Variants in MRTFB observed in about 807,000 individuals in gnomAD.
MRTFB encodes the protein myocardin related transcription factor B, also known as myocardin-related transcription factor B.
Under a neutral mutation model 104.2 loss-of-function variants are expected in MRTFB, and 29 were observed. The observed-to-expected ratio is 0.28, with a 90% CI of 0.21 to 0.38. The LOEUF (loss-of-function observed/expected upper bound fraction) is 0.38. Ranked by LOEUF, MRTFB falls within the 10% of genes least tolerant of loss-of-function variation. MRTFB has a pLI of 1.00. For synonymous variants in MRTFB, 535 were observed against 519.5 expected (o/e 1.03, Z -0.41); for missense variants, 1,270 against 1,341.6 (o/e 0.95, Z 0.83).
rs139233471 is a variant in MRTFB, at chr16:14,225,100, C to T, written c.693+6102C>T. On this transcript the variant is annotated intron_variant, in intron 8 of 16. Coordinates refer to ENST00000571589, the MANE Select transcript of MRTFB (RefSeq NM_001308142.2). ...ACTCGGGAGGCTGAGGTAGGAGCAT[C>T]GCTTGAATCCAGGAGGTGGAGGTTG... 6.3e-3 allele frequency among the ~76,000 whole-genome samples: 955 copies of T among 152,222 alleles called. 8 individuals are homozygous for T. The highest frequency in any genetic ancestry group is 0.02 in the African/African-American group (834 of 41,538).
the MRTFB span, among the ~76,000 whole-genome samples, chr16:14,017,333 G>A: frequency 2.6e-5 from 4 of 151,500 alleles, no homozygotes; most frequent in South Asian, 6.3e-4. Flanking sequence ...TGGGATTACA[G>A]GCGTGAGCCA....
chr16:14,131,981 C>G (rs1407495106), intron 2 of MRTFB, among the ~76,000 whole-genome samples: 1 of 152,160 alleles, frequency 6.6e-6, no homozygotes, highest in African/African-American at 2.4e-5. Context: ...CGTGTGAACT[C>G]ATTCCATAGC....
chr16:14,054,877 T>G, the MRTFB span, among the ~76,000 whole-genome samples: 1 of 152,188 alleles, frequency 6.6e-6, no homozygotes, highest in Non-Finnish European at 1.5e-5. Context: ...GAAAACCCTA[T>G]CAGCAGTAAA....
At chr16:14,171,656 A>G (rs1393788656) in intron 3 of MRTFB, among the ~76,000 whole-genome samples, 1 of 152,182 alleles carries the variant, frequency 6.6e-6, no homozygotes, top group East Asian at 1.9e-4. Context: ...CCACTCTCTG[A>G]CAGTGAGAAC....
chr16:14,203,804 GAA>G (rs908323645), intron 3 of MRTFB, among the ~76,000 whole-genome samples: 1,830 of 46,456 alleles, frequency 0.039, 34 homozygotes, highest in African/African-American at 0.12. Flanking sequence ...ACTCTGTCTC[GAA>G]AAAAAAAAAA....
In MRTFB at chr16:14,227,826, C is replaced by T. The variant is rs139790510; in HGVS notation, c.694-6320C>T. On this transcript the variant is annotated intron_variant, in intron 8 of 16. Coordinates refer to ENST00000571589, the MANE Select transcript of MRTFB (RefSeq NM_001308142.2). The stretch of plus-strand genomic sequence containing the variant: ...CGCCCTGCCAAATATTTTTTAAAAG[C>T]AGTCCAAAACAGACTAAGACAGGAC... Among the ~76,000 whole-genome samples the T allele has an allele frequency of 5.0e-3, 764 of 151,872 alleles. 6 individuals carry two copies. The highest frequency in any genetic ancestry group is 0.017 in the African/African-American group (718 of 41,414).
At chr16:14,098,793 C>G (rs1459189978) in intron 2 of MRTFB, among the ~76,000 whole-genome samples, 1 of 152,170 alleles carries the variant, frequency 6.6e-6, no homozygotes, top group East Asian at 1.9e-4. Flanking sequence ...GTTCATATTT[C>G]TTGCATATGG....
chr16:14,162,973 TTGTC>T (rs2039097895), intron 3 of MRTFB, among the ~76,000 whole-genome samples: 1 of 152,226 alleles, frequency 6.6e-6, no homozygotes, highest in Non-Finnish European at 1.5e-5. Flanking sequence ...CAGTTCTTGT[TTGTC>T]TATCTTTTTG....
At chr16:14,031,867 G>A in the MRTFB span, among the ~76,000 whole-genome samples, 2 of 152,074 alleles carry the variant, frequency 1.3e-5, no homozygotes, top group Non-Finnish European at 2.9e-5. Context: ...GAGTTCAGTG[G>A]CATGATCTCG....
chr16:14,200,325 G>A, intron 3 of MRTFB: 3 of 1,607,018 alleles, frequency 1.9e-6, no homozygotes, highest in South Asian at 1.1e-5. Flanking sequence ...CGCTGACGTG[G>A]CTCCCGGAAG....
chr16:14,153,714 T>A (rs974578623), intron 3 of MRTFB, among the ~76,000 whole-genome samples: 5 of 152,194 alleles, frequency 3.3e-5, no homozygotes, highest in Non-Finnish European at 5.9e-5. Flanking sequence ...CTGAAACTAT[T>A]TAAAATAAAT....
intron 9 of MRTFB, among the ~76,000 whole-genome samples, chr16:14,236,712 C>G (rs2042531859): frequency 6.6e-6 from 1 of 152,200 alleles, no homozygotes; most frequent in African/African-American, 2.4e-5. Flanking sequence ...CCGAGGCAGA[C>G]AGGGTGTGGC....
intron 16 of MRTFB, 22 bp from the exon 17 acceptor site, chr16:14,260,887 T>C (rs1460033305): frequency 6.4e-7 from 1 of 1,561,914 alleles, no homozygotes; most frequent in Non-Finnish European, 8.6e-7. Context: ...CAGTTACTAA[T>C]TACTTCATTT....
intron 3 of MRTFB, among the ~76,000 whole-genome samples, chr16:14,194,732 G>T (rs1384606241): frequency 3.4e-5 from 5 of 146,368 alleles, no homozygotes; most frequent in Non-Finnish European, 3.0e-5. Context: ...ATTATCTTGT[G>T]GAAAGACTAA....
intron 3 of MRTFB, among the ~76,000 whole-genome samples, chr16:14,190,048 G>A (rs2151050374): frequency 6.6e-6 from 1 of 152,322 alleles, no homozygotes; most frequent in South Asian, 2.1e-4. Context: ...GTGAAGAGTT[G>A]TCATCACAGT....
At chr16:14,258,269 GTTC>G in intron 16 of MRTFB, 108 bp downstream of exon 16, 5 of 832,486 alleles carry the variant, frequency 6.0e-6, no homozygotes, top group Non-Finnish European at 9.7e-6. Context: ...TGAGAAACGT[GTTC>G]TTCTAACTGA....
chr16:14,180,575 TGTA>T (rs1329940662), intron 3 of MRTFB, among the ~76,000 whole-genome samples: 1 of 152,146 alleles, frequency 6.6e-6, no homozygotes, highest in Non-Finnish European at 1.5e-5. Flanking sequence ...CTTACACAAG[TGTA>T]GTCAGAACAC....
At chr16:14,144,319 A>G (rs549680544) in intron 3 of MRTFB, 1 of 152,340 alleles carries the variant, frequency 6.6e-6, no homozygotes, top group South Asian at 2.1e-4. Context: ...ATATTCAGAC[A>G]TATAATTTCA....
chr16:14,214,136 C>G (rs958485806), intron 6 of MRTFB, among the ~76,000 whole-genome samples: 7 of 152,148 alleles, frequency 4.6e-5, no homozygotes, highest in African/African-American at 7.2e-5. Context: ...TCATCACTTA[C>G]GAGGCTGGTA....
Sources: allele counts gnomAD v4.1 joint callset (sites outside exome capture counted in the v4.1 genomes callset), GRCh38; gene constraint gnomAD v4.1.1; transcripts MANE v1.5; gene names NCBI Gene and HGNC (gene_info 2026-07-23, HGNC 2026-07-21).